Variants in ATP8A2 observed in about 807,000 individuals in gnomAD.
The protein encoded by ATP8A2 is ATPase phospholipid transporting 8A2, also known as phospholipid-transporting ATPase IB.
Under a neutral mutation model 165.6 loss-of-function variants are expected in ATP8A2, and 100 were observed. The observed-to-expected ratio is 0.60, with a 90% CI of 0.51 to 0.71. ATP8A2 has a LOEUF of 0.71. Ranked by LOEUF, ATP8A2 falls within the 30% of genes least tolerant of loss-of-function variation. The probability of loss-of-function intolerance (pLI) is 0.00; values close to 1 mark genes in which losing one functional copy is unlikely to be tolerated. For missense variants in ATP8A2, 1,227 were observed against 1,479.5 expected, an observed-to-expected ratio of 0.83 and a Z score of 2.80; for synonymous variants, 543 against 548.8, an observed-to-expected ratio of 0.99 and a Z score of 0.15.
chr13:25,497,969 A>G (rs1195326933), intron 2 of ATP8A2, among the ~76,000 whole-genome samples: 1 of 151,948 alleles, frequency 6.6e-6, no homozygotes, highest in Non-Finnish European at 1.5e-5. Flanking sequence ...CTCAAATAAT[A>G]ATAATAATAA....
intron 27 of ATP8A2, among the ~76,000 whole-genome samples, chr13:25,815,361 A>G (rs1322211421): frequency 6.6e-6 from 1 of 152,240 alleles, no homozygotes; most frequent in Non-Finnish European, 1.5e-5. Flanking sequence ...GCAAAAAACC[A>G]ATTCAAAAAT....
intron 34 of ATP8A2, among the ~76,000 whole-genome samples, chr13:25,966,708 A>T (rs1264696337): frequency 6.6e-6 from 1 of 152,230 alleles, no homozygotes. Context: ...GAGCACTGAC[A>T]TGCTCAGACC....
At chr13:25,512,213 G>A (rs907953597) in intron 2 of ATP8A2, among the ~76,000 whole-genome samples, 2 of 152,058 alleles carry the variant, frequency 1.3e-5, no homozygotes, top group African/African-American at 4.8e-5. Flanking sequence ...TAAGGTCACA[G>A]AACAACAGGA....
chr13:25,828,133 G>A lies in ATP8A2; in HGVS notation c.2695G>A (p.Val899Ile). ...TCTCTTTCAGCTTTGGTTCGCCTTTGTTAATGGATTTTCTGGGCAGATTTT... is the reference window on the plus strand; with the variant it reads ...TCTCTTTCAGCTTTGGTTCGCCTTTATTAATGGATTTTCTGGGCAGATTTT... ...LYIIELWFAF[V>I]NGFSGQILFE... The change falls in exon 28 of 37, where the codon GTT (valine) becomes ATT (isoleucine). Residue 899 changes from valine to isoleucine, a missense_variant. By Grantham distance (29) the Val-to-Ile change is conservative (BLOSUM62 3). Transcript: ENST00000381655. 1 of 1,614,106 alleles carries A rather than the reference G, an allele frequency of 6.2e-7. No homozygotes were observed. Among genetic ancestry groups the A allele is most frequent in the Non-Finnish European group, 8.5e-7 (1 of 1,179,960 alleles).
At chr13:25,947,758 C>T (rs1304309233) in intron 33 of ATP8A2, among the ~76,000 whole-genome samples, 5 of 152,166 alleles carry the variant, frequency 3.3e-5, no homozygotes, top group African/African-American at 1.2e-4. Context: ...ACACCGTGGT[C>T]AGCCTTTTGA....
chr13:25,511,012 T>A (rs2037207512), intron 2 of ATP8A2, among the ~76,000 whole-genome samples: 2 of 152,240 alleles, frequency 1.3e-5, no homozygotes, highest in South Asian at 4.1e-4. Context: ...CTTTGTGTTT[T>A]TAATTCTTTG....
intron 34 of ATP8A2, among the ~76,000 whole-genome samples, chr13:25,967,569 T>C (rs1955807220): frequency 6.6e-6 from 1 of 152,212 alleles, no homozygotes; most frequent in South Asian, 2.1e-4. Flanking sequence ...TGTCTTTGGG[T>C]CCTGGTACAT....
intron 24 of ATP8A2, among the ~76,000 whole-genome samples, chr13:25,690,311 T>C (rs2042697184): frequency 6.6e-6 from 1 of 152,128 alleles, no homozygotes; most frequent in Non-Finnish European, 1.5e-5. Flanking sequence ...CTCTTATGCA[T>C]CTCACTTCCT....
chr13:25,619,611 G>A (rs2040917440), intron 24 of ATP8A2, among the ~76,000 whole-genome samples: 1 of 152,120 alleles, frequency 6.6e-6, no homozygotes, highest in South Asian at 2.1e-4. Context: ...TGAGAAATGA[G>A]TACATAGAAC....
intron 33 of ATP8A2, among the ~76,000 whole-genome samples, chr13:25,896,108 C>A (rs150500956): frequency 5.8e-4 from 89 of 152,242 alleles, no homozygotes; most frequent in African/African-American, 2.0e-3. Flanking sequence ...TTCTCTAGTT[C>A]TTTTAATTGT....
intron 24 of ATP8A2, among the ~76,000 whole-genome samples, chr13:25,637,660 C>T (rs2041406565): frequency 6.6e-6 from 1 of 152,196 alleles, no homozygotes; most frequent in African/African-American, 2.4e-5. Flanking sequence ...CTGGCTGCCT[C>T]TGTAGACTCC....
At chr13:25,808,122 G>C (rs957098314) in intron 27 of ATP8A2, among the ~76,000 whole-genome samples, 5 of 149,002 alleles carry the variant, frequency 3.4e-5, no homozygotes, top group African/African-American at 1.2e-4. Context: ...TGGCTTTTTT[G>C]CTCCCCAAGA....
chr13:25,889,245 C>CATACATATATATATATATATATAT (rs1555285524), intron 33 of ATP8A2, among the ~76,000 whole-genome samples: 4 of 109,972 alleles, frequency 3.6e-5, no homozygotes, highest in African/African-American at 1.7e-4. Context: ...CATCCTTTGT[C>CATACATATATATATATATATATAT]ATATATATAT....
At chr13:25,887,459 C>T (rs1163080625) in intron 33 of ATP8A2, among the ~76,000 whole-genome samples, 2 of 152,108 alleles carry the variant, frequency 1.3e-5, no homozygotes, top group Admixed American at 6.6e-5. Context: ...TTGCCTCAGC[C>T]TCTCAAGTAG....
At chr13:25,567,091 C>G (rs1012764955) in intron 16 of ATP8A2, 2 of 289,844 alleles carry the variant, frequency 6.9e-6, no homozygotes, top group Admixed American at 8.9e-5. Context: ...CTGGGGACCC[C>G]CTACATGCTA....
chr13:25,655,091 A>G (rs762374266), intron 24 of ATP8A2, among the ~76,000 whole-genome samples: 4 of 152,180 alleles, frequency 2.6e-5, no homozygotes, highest in Non-Finnish European at 5.9e-5. Context: ...TACATTCTAC[A>G]TTGAGGAAGT....
chr13:25,796,854 T>G (rs1272006460), intron 27 of ATP8A2, among the ~76,000 whole-genome samples: 1 of 152,108 alleles, frequency 6.6e-6, no homozygotes, highest in Non-Finnish European at 1.5e-5. Flanking sequence ...TATTACTTGG[T>G]TTTTTTTAAA....
chr13:25,553,647 T>G (rs1459336820), intron 11 of ATP8A2, 146 bp from the exon 12 acceptor site: 6 of 743,322 alleles, frequency 8.1e-6, no homozygotes, highest in Non-Finnish European at 1.3e-5. Context: ...TTGTGGGGCC[T>G]GTGTGCCTCC....
At chr13:25,977,400 A>C (rs1477027108) in intron 35 of ATP8A2, among the ~76,000 whole-genome samples, 3 of 152,192 alleles carry the variant, frequency 2.0e-5, no homozygotes, top group Admixed American at 6.5e-5. Flanking sequence ...GAAATGCATT[A>C]GTGGAACAAA....
Sources: gnomAD v4.1 joint callset for allele counts (sites outside exome capture counted in the v4.1 genomes callset) on GRCh38, gnomAD v4.1.1 for gene constraint, MANE v1.5 for transcripts, NCBI Gene and HGNC (gene_info 2026-07-23, HGNC 2026-07-21) for gene names.